Variants in CRIM1 observed in about 807,000 individuals in gnomAD.
CRIM1 encodes the protein cysteine rich transmembrane BMP regulator 1, also known as cysteine-rich motor neuron 1 protein.
Under a neutral mutation model 116.4 loss-of-function variants are expected in CRIM1, and 32 were observed. The observed-to-expected ratio is 0.27, with a 90% confidence interval of 0.21 to 0.37. The LOEUF is 0.37. Ranked by LOEUF, CRIM1 falls within the 10% of genes least tolerant of loss-of-function variation. The pLI is 1.00. For missense variants in CRIM1, 1,331 were observed against 1,354.8 expected (o/e 0.98, Z 0.28); for synonymous variants, 590 against 509.2 (o/e 1.16, Z -2.13).
chr2:36,487,780 A>G (rs1679940289), intron 7 of CRIM1, among the ~76,000 whole-genome samples: 2 of 152,186 alleles, frequency 1.3e-5, no homozygotes, highest in Admixed American at 1.3e-4. Context: ...ATTTGTAAGT[A>G]TAACTCCTGG....
intron 12 of CRIM1, among the ~76,000 whole-genome samples, chr2:36,521,830 A>G (rs1005509530): frequency 6.6e-6 from 1 of 152,240 alleles, no homozygotes; most frequent in Admixed American, 6.5e-5. Context: ...CCCCAAAGAA[A>G]ACCAGGATTT....
chr2:36,361,916 A>T (rs1288475152), intron 1 of CRIM1, among the ~76,000 whole-genome samples: 2 of 152,160 alleles, frequency 1.3e-5, no homozygotes, highest in East Asian at 3.9e-4. Context: ...TGAATAACAC[A>T]TTGAAAGCTT....
intron 2 of CRIM1, among the ~76,000 whole-genome samples, chr2:36,409,036 TAAAG>T (rs1184513037): frequency 6.6e-6 from 1 of 151,150 alleles, no homozygotes; most frequent in Non-Finnish European, 1.5e-5. Flanking sequence ...CTCTTTTAAA[TAAAG>T]AGAGTTTTAA....
At chr2:36,369,744 C>T (rs1202652845) in intron 1 of CRIM1, among the ~76,000 whole-genome samples, 1 of 152,152 alleles carries the variant, frequency 6.6e-6, no homozygotes, top group African/African-American at 2.4e-5. Flanking sequence ...GATTTGCTGG[C>T]CTAAAAAGAT....
chr2:36,451,761 A>G (rs34774672), intron 4 of CRIM1, among the ~76,000 whole-genome samples: 10 of 152,198 alleles, frequency 6.6e-5, no homozygotes, highest in African/African-American at 9.7e-5. Flanking sequence ...GGCTGTCAAC[A>G]CAGTGCGCAT....
chr2:36,463,432 C>T (rs1322087430), intron 4 of CRIM1, among the ~76,000 whole-genome samples: 1 of 152,088 alleles, frequency 6.6e-6, no homozygotes, highest in Non-Finnish European at 1.5e-5. Context: ...TGATCTTGAC[C>T]TCTACCGTAT....
chr2:36,372,837 A>T (rs1670030216), intron 1 of CRIM1, among the ~76,000 whole-genome samples: 1 of 152,166 alleles, frequency 6.6e-6, no homozygotes, highest in Non-Finnish European at 1.5e-5. Context: ...GGAAGGAGAG[A>T]AGCTGGAACT....
At chr2:36,540,555 G>A (rs1397665993) in intron 14 of CRIM1, among the ~76,000 whole-genome samples, 2 of 152,212 alleles carry the variant, frequency 1.3e-5, no homozygotes, top group African/African-American at 4.8e-5. Context: ...CTGGAGCAGT[G>A]AGTTTTAGTA....
At chr2:36,370,344 G>C (rs1314663452) in intron 1 of CRIM1, among the ~76,000 whole-genome samples, 2 of 152,018 alleles carry the variant, frequency 1.3e-5, no homozygotes, top group African/African-American at 2.4e-5. Context: ...TAAAATGAAA[G>C]AAGCCAGAGG....
rs1326054425 is a variant in CRIM1, at chr2:36,356,571, C to T, written c.279C>T (p.Arg93=). ...TCDRGLRCVI[R]PPLNGDSLTE... ...ACCGGGGGCTGCGTTGTGTCATCCG[C>T]CCCCCGCTCAATGGCGACTCCCTCA... Residue 93 remains arginine, a synonymous_variant, in exon 1 of 17, where the codon CGC becomes CGT. Transcript: ENST00000280527. The surrounding 1 kb of genome is among the most constrained non-coding windows in gnomAD (Gnocchi z 4.3). The T allele has an allele frequency of 1.4e-5, 23 of 1,612,062 alleles. No individual in the cohort carries two copies. Among genetic ancestry groups the T allele is most frequent in the African/African-American group, 4.0e-5 (3 of 75,002 alleles).
chr2:36,550,041 A>ATGTGTGTGTGTGTGTGTGTG lies in CRIM1; in HGVS notation c.*1347_*1366dup, dbSNP rs71396495. 1.4e-5 allele frequency: 2 copies of ATGTGTGTGTGTGTGTGTGTG among 146,366 alleles called. No homozygotes were observed. Among genetic ancestry groups the ATGTGTGTGTGTGTGTGTGTG allele is most frequent in the African/African-American group, 5.1e-5 (2 of 39,330 alleles). The allele number at this position is 146,366 out of a possible 1,614,324, so 9.1% of individuals were successfully genotyped here. The stretch of plus-strand genomic sequence containing the variant: ...GAAAGATGTGTGTGTGAGAGTATGT[A>ATGTGTGTGTGTGTGTGTGTG]TGTGTGTGTGTGTGTGTGTGTGTGT... On this transcript the variant is annotated 3_prime_UTR_variant, in exon 17 of 17. Coordinates refer to ENST00000280527, the MANE Select transcript of CRIM1 (RefSeq NM_016441.3).
intron 2 of CRIM1, among the ~76,000 whole-genome samples, chr2:36,424,616 T>C (rs112158353): frequency 0.017 from 2,574 of 152,314 alleles, 62 homozygotes; most frequent in African/African-American, 0.058. Flanking sequence ...CTTTTACTTT[T>C]AGTCTCTACT....
At chr2:36,483,825 A>T (rs766268095) in intron 7 of CRIM1, among the ~76,000 whole-genome samples, 1 of 152,206 alleles carries the variant, frequency 6.6e-6, no homozygotes, top group Non-Finnish European at 1.5e-5. Context: ...TAGTTGAGTG[A>T]GGGAGCAGAC....
intron 2 of CRIM1, among the ~76,000 whole-genome samples, chr2:36,409,642 G>A (rs925039670): frequency 1.3e-5 from 2 of 152,144 alleles, no homozygotes; most frequent in Admixed American, 6.5e-5. Flanking sequence ...TGTTATGCCC[G>A]GTAGACATTC....
At chr2:36,454,681 G>A (rs889074847) in intron 4 of CRIM1, among the ~76,000 whole-genome samples, 3 of 152,126 alleles carry the variant, frequency 2.0e-5, no homozygotes, top group African/African-American at 7.2e-5. Flanking sequence ...ATTAGTCACT[G>A]ATATTTAAAA....
chr2:36,539,181 T>C (rs966189791), intron 14 of CRIM1, among the ~76,000 whole-genome samples: 5 of 151,920 alleles, frequency 3.3e-5, no homozygotes, highest in African/African-American at 4.8e-5. Context: ...TTTTGTATTA[T>C]GTAGAATGGT....
intron 2 of CRIM1, among the ~76,000 whole-genome samples, chr2:36,413,284 A>T (rs1263687548): frequency 1.3e-5 from 2 of 152,204 alleles, no homozygotes; most frequent in African/African-American, 4.8e-5. Flanking sequence ...ACTTTGAAAT[A>T]TGTAAGCCCT....
At chr2:36,519,183 C>G (rs1665217372) in intron 12 of CRIM1, among the ~76,000 whole-genome samples, 1 of 152,160 alleles carries the variant, frequency 6.6e-6, no homozygotes, top group African/African-American at 2.4e-5. Flanking sequence ...AGCTGAAATT[C>G]ATTGATGGGA....
chr2:36,512,285 C>T lies in CRIM1; in HGVS notation c.1671C>T (p.His557=), dbSNP rs138805655. 25 of 1,613,086 alleles carry T rather than the reference C, an allele frequency of 1.5e-5. No individual in the cohort carries two copies. The highest frequency in any genetic ancestry group is 1.6e-4 in the Middle Eastern group (1 of 6,080). ...YCPLGLLKNK[H]GCDICRCKKC... Reference sequence around the variant, plus strand: ...TTTAATTACCCAGGAAGAATAAGCACGGCTGTGACATCTGTCGCTGTAAGA... The same window carrying T: ...TTTAATTACCCAGGAAGAATAAGCATGGCTGTGACATCTGTCGCTGTAAGA... The change falls in exon 10 of 17, where the codon CAC becomes CAT. Residue 557 remains histidine (H), a synonymous_variant. Coordinates refer to ENST00000280527, the MANE Select transcript of CRIM1 (RefSeq NM_016441.3).
Sources: allele counts gnomAD v4.1 joint callset (sites outside exome capture counted in the v4.1 genomes callset), GRCh38; gene constraint gnomAD v4.1.1; non-coding constraint Gnocchi (gnomAD v3.1); transcripts MANE v1.5; gene names NCBI Gene and HGNC (gene_info 2026-07-23, HGNC 2026-07-21).